KANK4: variants seen among roughly 807,000 people sequenced by gnomAD.
KANK4 encodes KN motif and ankyrin repeat domain-containing protein 4.
KANK4 carries 50 observed loss-of-function variants against 80.8 expected under a neutral mutation model. The ratio of observed to expected loss-of-function variants is 0.62; its 90% CI spans 0.49 to 0.78. The LOEUF (loss-of-function observed/expected upper bound fraction) is 0.78, where lower values mean the gene tolerates loss of function less well. Among genes scored for constraint, KANK4 ranks in the 30% least tolerant of loss-of-function variants. The pLI is 0.00. For missense variants in KANK4, 1,196 were observed against 1,240.1 expected (o/e 0.96, Z 0.53); for synonymous variants, 465 against 506.9 (o/e 0.92, Z 1.11).
At chr1:62,266,624 C>T (rs1672027751) in intron 6 of KANK4, 108 bp downstream of exon 6, 2 of 736,526 alleles carry the variant, frequency 2.7e-6, no homozygotes, top group African/African-American at 1.7e-5. Context: ...ACTGCACACT[C>T]ACACCACTGC....
At chr1:62,300,229 C>T (rs1644400620) in intron 1 of KANK4, among the ~76,000 whole-genome samples, 1 of 152,136 alleles carries the variant, frequency 6.6e-6, no homozygotes, top group African/African-American at 2.4e-5. Context: ...GCATGAAGTT[C>T]AATAGCCCAG....
intron 2 of KANK4, among the ~76,000 whole-genome samples, chr1:62,280,959 T>C (rs1672439001): frequency 6.6e-6 from 1 of 152,174 alleles, no homozygotes; most frequent in African/African-American, 2.4e-5. Context: ...TATCTGCACA[T>C]TGGAGTCAGT....
At chr1:62,297,347 T>A (rs1644375102) in intron 1 of KANK4, among the ~76,000 whole-genome samples, 1 of 152,244 alleles carries the variant, frequency 6.6e-6, no homozygotes. Flanking sequence ...GCTAACTTAT[T>A]TAATTTCAGG....
At chr1:62,289,117 C>T (rs1262223519) in intron 1 of KANK4, among the ~76,000 whole-genome samples, 2 of 152,108 alleles carry the variant, frequency 1.3e-5, no homozygotes. Context: ...TGCCTGAAGA[C>T]ATAGGTTTTA....
In KANK4 at chr1:62,268,493, G is replaced by A. The variant is rs750023393; in HGVS notation, c.2025C>T (p.Thr675=). 14 of 1,613,580 alleles carry A rather than the reference G, an allele frequency of 8.7e-6. No individual in the cohort carries two copies. Among genetic ancestry groups the A allele is most frequent in the Non-Finnish European group, 1.2e-5 (14 of 1,179,958 alleles). The change falls in exon 5 of 10, where the codon ACC becomes ACT. Residue 675 remains threonine (T), a synonymous_variant. Coordinates refer to ENST00000371153, the MANE Select transcript of KANK4 (RefSeq NM_181712.5). ...CCTCACCGCTGGTCTCCTCACTTGA[G>A]GTGGTCTCATACCTGGGGTAGAAAA... ...FVGVNGGYET[T]SSEETSGEDS...
At chr1:62,265,463 A>G (rs955103771) in intron 6 of KANK4, among the ~76,000 whole-genome samples, 1 of 152,098 alleles carries the variant, frequency 6.6e-6, no homozygotes, top group African/African-American at 2.4e-5. Context: ...GCTGGTCTCA[A>G]ACTCCTGGGC....
chr1:62,282,313 C>A (rs751792471), intron 1 of KANK4, among the ~76,000 whole-genome samples: 4 of 152,144 alleles, frequency 2.6e-5, no homozygotes, highest in Admixed American at 6.5e-5. Flanking sequence ...AGTTTTAATC[C>A]ATTTCCAGGA....
Position 62,273,574 on chromosome 1 carries a change from T to G in KANK4, c.1530A>C (p.Gly510=), listed in dbSNP as rs369849366. ...RIEEAGTEQE[G]GPQGGTRGAG... is the part of the protein sequence containing the mutation. Reference sequence around the variant, plus strand: ...CTCCCCTGGTTCCTCCCTGAGGGCCTCCTTCCTGTTCAGTGCCTGCTTCTT... The same window carrying G: ...CTCCCCTGGTTCCTCCCTGAGGGCCGCCTTCCTGTTCAGTGCCTGCTTCTT... Residue 510 remains glycine (G), a synonymous_variant, in exon 3 of 10, where the codon GGA becomes GGC. Transcript: ENST00000371153. 1 of 1,614,074 alleles carries G rather than the reference T, an allele frequency of 6.2e-7. No individual in the cohort carries two copies. The highest frequency in any genetic ancestry group is 8.5e-7 in the Non-Finnish European group (1 of 1,179,958).
intron 8 of KANK4, among the ~76,000 whole-genome samples, chr1:62,252,860 G>T (rs1203038691): frequency 6.6e-6 from 1 of 152,232 alleles, no homozygotes. Flanking sequence ...ACTGACCTCT[G>T]TGCAAGCTGT....
At chr1:62,262,166 T>C (rs1011877925) in intron 7 of KANK4, among the ~76,000 whole-genome samples, 1 of 152,190 alleles carries the variant, frequency 6.6e-6, no homozygotes, top group Admixed American at 6.5e-5. Flanking sequence ...GAAAATGCCA[T>C]TTTCCCTAGA....
At chr1:62,248,643 C>T (rs977557822) in intron 8 of KANK4, among the ~76,000 whole-genome samples, 1 of 151,320 alleles carries the variant, frequency 6.6e-6, no homozygotes, top group African/African-American at 2.4e-5. Context: ...CCTCCAGGTT[C>T]AAGTCATTCT....
At chr1:62,240,999 A>G (rs1557463644) in intron 9 of KANK4, among the ~76,000 whole-genome samples, 2 of 152,192 alleles carry the variant, frequency 1.3e-5, no homozygotes, top group Non-Finnish European at 2.9e-5. Flanking sequence ...CCTACTGTGA[A>G]TATTTTGACA....
At chr1:62,297,360 G>A (rs568558100) in intron 1 of KANK4, among the ~76,000 whole-genome samples, 1 of 152,236 alleles carries the variant, frequency 6.6e-6, no homozygotes, top group East Asian at 1.9e-4. Flanking sequence ...ATTTCAGGAT[G>A]ACCATATTAG....
At chr1:62,248,985 A>T (rs1671539766) in intron 8 of KANK4, among the ~76,000 whole-genome samples, 1 of 127,504 alleles carries the variant, frequency 7.8e-6, no homozygotes, top group African/African-American at 2.9e-5. Flanking sequence ...CAACATGGTG[A>T]AACTCTGTCT....
intron 2 of KANK4, among the ~76,000 whole-genome samples, chr1:62,277,768 T>A (rs1571010910): frequency 6.6e-6 from 1 of 152,344 alleles, no homozygotes; most frequent in Non-Finnish European, 1.5e-5. Context: ...GTCTTCAGCC[T>A]TCATCTGACT....
chr1:62,248,912 C>A (rs2149119992), intron 8 of KANK4, among the ~76,000 whole-genome samples: 1 of 148,560 alleles, frequency 6.7e-6, no homozygotes, highest in East Asian at 2.0e-4. Context: ...CCTGTAATCC[C>A]TGCACTTTGG....
chr1:62,284,365 A>T (rs1672515597), intron 1 of KANK4, among the ~76,000 whole-genome samples: 1 of 152,196 alleles, frequency 6.6e-6, no homozygotes, highest in East Asian at 1.9e-4. Flanking sequence ...GCTTTGACAT[A>T]AAGCCATTTC....
chr1:62,264,066 T>C (rs1466073484), intron 6 of KANK4, among the ~76,000 whole-genome samples: 2 of 152,188 alleles, frequency 1.3e-5, no homozygotes, highest in African/African-American at 4.8e-5. Flanking sequence ...AATGATTGCA[T>C]ACTCATGCTG....
chr1:62,241,467 T>C (rs1289662450), intron 9 of KANK4, among the ~76,000 whole-genome samples: 2 of 152,184 alleles, frequency 1.3e-5, no homozygotes, highest in Non-Finnish European at 2.9e-5. Context: ...TACCACTCGT[T>C]CTATGCTCGT....
Sources: allele counts gnomAD v4.1 joint callset (sites outside exome capture counted in the v4.1 genomes callset), GRCh38; gene constraint gnomAD v4.1.1; transcripts MANE v1.5; gene names NCBI Gene and HGNC (gene_info 2026-07-23, HGNC 2026-07-21).